Variants in VTA1 observed in about 807,000 individuals in gnomAD.
VTA1 encodes the protein vesicle trafficking 1.
VTA1 carries 24 observed loss-of-function variants against 36.9 expected under a neutral mutation model. The observed-to-expected ratio is 0.65, with a 90% CI of 0.47 to 0.91. The LOEUF is 0.91. Among genes scored for constraint, VTA1 ranks in the 40% least tolerant of loss-of-function variants. The probability of loss-of-function intolerance (pLI) is 0.00; values close to 1 mark genes in which losing one functional copy is unlikely to be tolerated. For synonymous variants in VTA1, 142 were observed against 130.2 expected (o/e 1.09, Z -0.62); for missense variants, 393 against 377.2 (o/e 1.04, Z -0.35).
chr6:142,156,056 A>G (rs1778655381), intron 1 of VTA1, among the ~76,000 whole-genome samples: 1 of 152,192 alleles, frequency 6.6e-6, no homozygotes, highest in African/African-American at 2.4e-5. Context: ...TGTGGTCCCT[A>G]GAGGGAAGTA....
At chr6:142,155,539 AATT>A (rs553670323) in intron 1 of VTA1, among the ~76,000 whole-genome samples, 7 of 152,298 alleles carry the variant, frequency 4.6e-5, no homozygotes, top group African/African-American at 1.4e-4. Context: ...TGGAATACGG[AATT>A]ATTATACATG....
At chr6:142,217,351 T>C (rs906657253) in intron 7 of VTA1, among the ~76,000 whole-genome samples, 2 of 152,132 alleles carry the variant, frequency 1.3e-5, no homozygotes, top group African/African-American at 4.8e-5. Flanking sequence ...TTCATATTCA[T>C]GCAGTGAAGT....
intron 4 of VTA1, among the ~76,000 whole-genome samples, chr6:142,172,343 A>G (rs1775044242): frequency 6.6e-6 from 1 of 152,144 alleles, no homozygotes; most frequent in Non-Finnish European, 1.5e-5. Context: ...TGTCCCTTTA[A>G]TTTCAAAACA....
At chr6:142,167,683 C>T (rs1774947584) in intron 2 of VTA1, among the ~76,000 whole-genome samples, 1 of 152,122 alleles carries the variant, frequency 6.6e-6, no homozygotes, top group Non-Finnish European at 1.5e-5. Context: ...CTTACTGACT[C>T]CTGTCGTCTG....
intron 2 of VTA1, among the ~76,000 whole-genome samples, chr6:142,169,035 C>A (rs1411048768): frequency 6.6e-6 from 1 of 152,130 alleles, no homozygotes; most frequent in South Asian, 2.1e-4. Flanking sequence ...TCTCAAAGTA[C>A]TGGGATTACG....
At chr6:142,193,296 T>A (rs1449917512) in intron 5 of VTA1, among the ~76,000 whole-genome samples, 3 of 152,132 alleles carry the variant, frequency 2.0e-5, no homozygotes, top group Admixed American at 1.3e-4. Flanking sequence ...ATGATTTTGG[T>A]GAAATATTGG....
At chr6:142,200,332 G>A (rs572928282) in intron 6 of VTA1, among the ~76,000 whole-genome samples, 114 of 151,998 alleles carry the variant, frequency 7.5e-4, no homozygotes, top group African/African-American at 2.6e-3. Flanking sequence ...CTGTGCCAAG[G>A]AAAGTCAAGG....
intron 4 of VTA1, among the ~76,000 whole-genome samples, chr6:142,181,962 T>A (rs924799014): frequency 2.0e-5 from 3 of 152,252 alleles, no homozygotes; most frequent in African/African-American, 7.2e-5. Context: ...TAAATTTGTT[T>A]AATATGTTTT....
At chr6:142,205,835 A>G (rs1003491510) in intron 7 of VTA1, among the ~76,000 whole-genome samples, 5 of 152,132 alleles carry the variant, frequency 3.3e-5, no homozygotes, top group Non-Finnish European at 5.9e-5. Context: ...TCTAATTTTG[A>G]TATTATACAA....
chr6:142,201,548 A>G (rs1427699796), intron 6 of VTA1, among the ~76,000 whole-genome samples: 2 of 151,946 alleles, frequency 1.3e-5, no homozygotes, highest in Admixed American at 1.3e-4. Flanking sequence ...AAGAAACATA[A>G]GCTTTTTATA....
rs939313177 is a variant in VTA1 at position 142,214,490 on chromosome 6, A to G, written c.779-4008A>G. On this transcript the variant is annotated intron_variant, in intron 7 of 7. Coordinates refer to ENST00000367630, the MANE Select transcript of VTA1 (RefSeq NM_016485.5). ...TCAGATCTCATGAGAACTCACTGTC[A>G]CAAGAACAGCAAGGGGGACATCCAT... 5.3e-5 allele frequency among the ~76,000 whole-genome samples: 8 copies of G among 152,304 alleles called. No individual in the cohort carries two copies. In the East Asian group the frequency reaches 1.5e-3, roughly 29 times the overall value.
chr6:142,206,259 TAGC>T (rs764364596), intron 7 of VTA1, among the ~76,000 whole-genome samples: 12 of 152,210 alleles, frequency 7.9e-5, no homozygotes, highest in African/African-American at 1.2e-4. Flanking sequence ...GCTTTCCACA[TAGC>T]AGCACAAAAC....
At chr6:142,161,229 CAATA>C (rs1251809701) in intron 1 of VTA1, among the ~76,000 whole-genome samples, 1 of 151,964 alleles carries the variant, frequency 6.6e-6, no homozygotes, top group Non-Finnish European at 1.5e-5. Flanking sequence ...AAAAGATCTG[CAATA>C]TATTTAGGAA....
rs889575935 is a variant in VTA1, at chr6:142,223,663, C to T, written c.*5020C>T. 1 of 151,970 alleles carries T rather than the reference C, an allele frequency of 6.6e-6. No homozygotes were observed. Among genetic ancestry groups the T allele is most frequent in the African/African-American group, 2.4e-5 (1 of 41,360 alleles). 9.4% of individuals were successfully genotyped at this position (151,970 alleles called of 1,614,324 possible). ...GTTCAGCAATATTGGGAAGTCTTGT[C>T]AAATATTAAGTCATTCATATGTTCA... On this transcript the variant is annotated 3_prime_UTR_variant, in exon 8 of 8. Transcript: ENST00000367630.
Position 142,195,364 on chromosome 6 carries a change from G to A in VTA1, c.521-3075G>A, listed in dbSNP as rs561234918. On this transcript the variant is annotated intron_variant, in intron 5 of 7. Transcript: ENST00000367630. ...CCCTGAGGTAGTGCCATTTATTGGC[G>A]TAATATTTTCTTATTGTCTTCACTG... 7.0e-4 allele frequency among the ~76,000 whole-genome samples: 106 copies of A among 152,030 alleles called. 1 individual carries two copies. The highest frequency in any genetic ancestry group is 1.0e-3 in the Non-Finnish European group (68 of 67,880).
intron 1 of VTA1, among the ~76,000 whole-genome samples, chr6:142,161,153 T>A (rs1053587568): frequency 3.3e-5 from 5 of 150,666 alleles, no homozygotes; most frequent in Middle Eastern, 3.4e-3. Flanking sequence ...ATATGTTTTG[T>A]ACAAAAACTG....
At chr6:142,171,269 A>G (rs761974535) in intron 4 of VTA1, among the ~76,000 whole-genome samples, 2 of 151,864 alleles carry the variant, frequency 1.3e-5, no homozygotes, top group Admixed American at 6.6e-5. Flanking sequence ...TAATTTTTGT[A>G]TTTTTACTAG....
At chr6:142,199,407 T>C (rs920669426) in intron 6 of VTA1, among the ~76,000 whole-genome samples, 2 of 152,156 alleles carry the variant, frequency 1.3e-5, no homozygotes, top group African/African-American at 4.8e-5. Flanking sequence ...TCAAAAACTT[T>C]TCTTAAAAAT....
chr6:142,204,097 T>C (rs1386091940), intron 7 of VTA1, 32 bp downstream of exon 7: 5 of 1,579,722 alleles, frequency 3.2e-6, no homozygotes, highest in Non-Finnish European at 4.3e-6. Flanking sequence ...TGAGATACAT[T>C]TATCTCCTGT....
Sources: gnomAD v4.1 joint callset for allele counts (sites outside exome capture counted in the v4.1 genomes callset) on GRCh38, gnomAD v4.1.1 for gene constraint, MANE v1.5 for transcripts, NCBI Gene and HGNC (gene_info 2026-07-23, HGNC 2026-07-21) for gene names.